The following CATSPERT variants were observed in gnomAD, a reference collection of about 807,000 sequenced individuals.
CATSPERT encodes cation channel sperm-associated targeting subunit tau.
chr2:201,603,107 T>C, the CATSPERT span: 2 of 808,620 alleles, frequency 2.5e-6, no homozygotes, highest in Non-Finnish European at 3.9e-6. Flanking sequence ...TAGTGATTGA[T>C]GATAAAATGG....
chr2:201,562,426 A>T, the CATSPERT span, among the ~76,000 whole-genome samples: 8,336 of 151,710 alleles, frequency 0.055, 276 homozygotes, highest in African/African-American at 0.08. Context: ...TGACCTCGTG[A>T]TCCACCCGCC....
At chr2:201,492,963 T>A in the CATSPERT span, 1 of 1,536,376 alleles carries the variant, frequency 6.5e-7, no homozygotes, top group Non-Finnish European at 8.7e-7. Flanking sequence ...TCAAAATAGG[T>A]TTTCTGTCTA....
At chr2:201,581,147 T>G in the CATSPERT span, among the ~76,000 whole-genome samples, 9 of 152,110 alleles carry the variant, frequency 5.9e-5, no homozygotes, top group Non-Finnish European at 1.0e-4. Flanking sequence ...GGCTCAGGCC[T>G]GTAATCCCAA....
At chr2:201,489,484 C>T in the CATSPERT span, among the ~76,000 whole-genome samples, 29 of 152,172 alleles carry the variant, frequency 1.9e-4, 1 homozygote, top group African/African-American at 6.7e-4. Flanking sequence ...AAAGTATAAG[C>T]TGATATTTAT....
the CATSPERT span, chr2:201,550,087 C>T: frequency 6.6e-6 from 1 of 152,062 alleles, no homozygotes; most frequent in Non-Finnish European, 1.5e-5. Flanking sequence ...TCATATTAAT[C>T]TCATTCAAAG....
chr2:201,606,864 A>C, the CATSPERT span, among the ~76,000 whole-genome samples: 1 of 150,178 alleles, frequency 6.7e-6, no homozygotes, highest in Non-Finnish European at 1.5e-5. Flanking sequence ...GCGCCACCGC[A>C]CTCCAGCTTG....
the CATSPERT span, among the ~76,000 whole-genome samples, chr2:201,538,111 A>G: frequency 6.6e-6 from 1 of 152,148 alleles, no homozygotes; most frequent in African/African-American, 2.4e-5. Context: ...ACAATGTTGT[A>G]AAGCAGATCT....
the CATSPERT span, chr2:201,557,385 A>G: frequency 3.9e-5 from 6 of 152,178 alleles, no homozygotes; most frequent in African/African-American, 1.4e-4. Context: ...CCTCCAAGCT[A>G]TTTTATATAT....
At chr2:201,531,323 T>C in the CATSPERT span, among the ~76,000 whole-genome samples, 1 of 152,080 alleles carries the variant, frequency 6.6e-6, no homozygotes, top group Non-Finnish European at 1.5e-5. Context: ...CGTGGACTCA[T>C]CACTATTAGT....
the CATSPERT span, among the ~76,000 whole-genome samples, chr2:201,588,512 G>T: frequency 0.07 from 10,323 of 148,010 alleles, 514 homozygotes; most frequent in African/African-American, 0.13. Flanking sequence ...TAATAAGAAA[G>T]ATATTATTAT....
At chr2:201,511,515 G>T in the CATSPERT span, among the ~76,000 whole-genome samples, 3 of 152,090 alleles carry the variant, frequency 2.0e-5, no homozygotes, top group Admixed American at 6.5e-5. Context: ...TATCATACGA[G>T]TTCTCTTACT....
the CATSPERT span, among the ~76,000 whole-genome samples, chr2:201,617,916 C>T: frequency 3.9e-5 from 6 of 152,200 alleles, no homozygotes; most frequent in African/African-American, 1.4e-4. Flanking sequence ...ACAGACACTT[C>T]TCAAAAGAAG....
chr2:201,513,390 C>T, the CATSPERT span, among the ~76,000 whole-genome samples: 17 of 152,258 alleles, frequency 1.1e-4, no homozygotes. Context: ...CACCATCTTA[C>T]ACCAGTCAGA....
the CATSPERT span, among the ~76,000 whole-genome samples, chr2:201,573,664 T>G: frequency 6.6e-6 from 1 of 152,230 alleles, no homozygotes; most frequent in Admixed American, 6.5e-5. Context: ...AGTTTTATTT[T>G]ATTTTTTTTT....
the CATSPERT span, among the ~76,000 whole-genome samples, chr2:201,525,126 A>G: frequency 6.6e-6 from 1 of 152,238 alleles, no homozygotes; most frequent in Admixed American, 6.5e-5. Flanking sequence ...ACGGACATCT[A>G]CAGAACTCTC....
At chr2:201,567,339 T>C in the CATSPERT span, among the ~76,000 whole-genome samples, 2 of 152,176 alleles carry the variant, frequency 1.3e-5, no homozygotes, top group African/African-American at 2.4e-5. Flanking sequence ...CTCTCTTCCA[T>C]TATATTAGTC....
the CATSPERT span, among the ~76,000 whole-genome samples, chr2:201,569,300 T>C: frequency 1.3e-5 from 2 of 152,164 alleles, no homozygotes; most frequent in Non-Finnish European, 2.9e-5. Flanking sequence ...AGACTTTTGT[T>C]CCCTCGACCC....
the CATSPERT span, among the ~76,000 whole-genome samples, chr2:201,518,878 G>A: frequency 1.3e-5 from 2 of 152,052 alleles, no homozygotes; most frequent in Non-Finnish European, 2.9e-5. Context: ...TTTTTTTATT[G>A]AGCCATCTGG....
At chr2:201,587,619 A>G in the CATSPERT span, among the ~76,000 whole-genome samples, 1 of 151,992 alleles carries the variant, frequency 6.6e-6, no homozygotes, top group African/African-American at 2.4e-5. Context: ...TTTTCTCATT[A>G]TCTTTTGTTT....
Sources: gnomAD v4.1 joint callset for allele counts (sites outside exome capture counted in the v4.1 genomes callset) on GRCh38, gnomAD v4.1.1 for gene constraint, MANE v1.5 for transcripts, NCBI Gene and HGNC (gene_info 2026-07-23, HGNC 2026-07-21) for gene names.